USP25: variants seen among roughly 807,000 people sequenced by gnomAD.
USP25 encodes the protein ubiquitin carboxyl-terminal hydrolase 25.
Under a neutral mutation model 158.5 loss-of-function variants are expected in USP25, and 85 were observed. The ratio of observed to expected loss-of-function variants is 0.54; its 90% CI spans 0.45 to 0.64. The LOEUF (loss-of-function observed/expected upper bound fraction) is 0.64. Among genes scored for constraint, USP25 ranks in the 30% least tolerant of loss-of-function variants. The pLI is 0.00. For synonymous variants in USP25, 464 were observed against 460.4 expected, an observed-to-expected ratio of 1.01 and a Z score of -0.10; for missense variants, 1,242 against 1,327.3, an observed-to-expected ratio of 0.94 and a Z score of 1.00.
At chr21:15,797,915 C>T (rs1418029049) in intron 5 of USP25, among the ~76,000 whole-genome samples, 8 of 151,000 alleles carry the variant, frequency 5.3e-5, no homozygotes, top group East Asian at 3.9e-4. Flanking sequence ...TTTTATTATT[C>T]GTTATTGTTG....
intron 1 of USP25, among the ~76,000 whole-genome samples, chr21:15,755,428 A>G (rs1268998554): frequency 6.6e-6 from 1 of 152,212 alleles, no homozygotes; most frequent in Non-Finnish European, 1.5e-5. Context: ...CATCAACATA[A>G]TAGTGGATTT....
chr21:15,869,367 T>C (rs1449125877), intron 22 of USP25, among the ~76,000 whole-genome samples: 2 of 152,194 alleles, frequency 1.3e-5, no homozygotes, highest in African/African-American at 4.8e-5. Flanking sequence ...AGTATTCACT[T>C]TCCAATTTAT....
At chr21:15,771,752 T>A (rs554049649) in intron 3 of USP25, among the ~76,000 whole-genome samples, 1 of 152,040 alleles carries the variant, frequency 6.6e-6, no homozygotes, top group Non-Finnish European at 1.5e-5. Flanking sequence ...GATCTGTCAG[T>A]TTTTGTATGT....
intron 8 of USP25, among the ~76,000 whole-genome samples, chr21:15,809,784 T>C (rs943568167): frequency 3.7e-4 from 57 of 152,174 alleles, no homozygotes; most frequent in African/African-American, 1.3e-3. Context: ...ATAAACAAAA[T>C]GTGCTGTATA....
chr21:15,807,382 A>T (rs895257883), intron 7 of USP25, among the ~76,000 whole-genome samples: 3 of 152,254 alleles, frequency 2.0e-5, no homozygotes, highest in Non-Finnish European at 4.4e-5. Flanking sequence ...TGTTTAAGTG[A>T]ATTAAAGTTA....
Position 15,802,561 on chromosome 21 carries a change from A to C in USP25, c.643-2560A>C, listed in dbSNP as rs773800101. 5.1e-4 allele frequency among the ~76,000 whole-genome samples: 78 copies of C among 151,632 alleles called. 1 individual carries two copies. The highest frequency in any genetic ancestry group is 9.3e-4 in the Non-Finnish European group (63 of 67,644). On this transcript the variant is annotated intron_variant, in intron 6 of 25. Coordinates refer to ENST00000400183, the MANE Select transcript of USP25 (RefSeq NM_001283041.3). ...TCTAAATATCCCAAGGGACAAAAAA[A>C]CAAATCAAATGAGTAATGTCAGAAT... is the stretch of plus-strand genomic sequence containing the variant.
At chr21:15,851,497 C>T (rs1039309023) in intron 20 of USP25, among the ~76,000 whole-genome samples, 1 of 143,392 alleles carries the variant, frequency 7.0e-6, no homozygotes, top group Non-Finnish European at 1.5e-5. Flanking sequence ...CAGCTCCTAT[C>T]CCCCATACAC....
chr21:15,827,332 T>G (rs899545540), intron 14 of USP25, 129 bp downstream of exon 14: 70 of 862,666 alleles, frequency 8.1e-5, no homozygotes, highest in Non-Finnish European at 8.8e-5. Flanking sequence ...CCAGAAAGGG[T>G]TTTAAGATAA....
rs145219687 is a variant in USP25, at chr21:15,831,301, C to T, written c.1765-100C>T. On this transcript the variant is annotated intron_variant, in intron 15 of 25. Transcript: ENST00000400183. ...TCTCTCATTTAAAAAAAAAAATGCT[C>T]TTATGGTTTTCTCCAAACAGGTTGT... 5.0e-4 allele frequency: 551 copies of T among 1,107,248 alleles called. No homozygotes were observed. In the African/African-American group the frequency reaches 8.0e-3, roughly 16 times the overall value. The allele number at this position is 1,107,248 out of a possible 1,614,324, so 68.6% of individuals were successfully genotyped here.
intron 21 of USP25, among the ~76,000 whole-genome samples, chr21:15,865,996 A>G (rs1260724775): frequency 6.6e-6 from 1 of 152,084 alleles, no homozygotes; most frequent in East Asian, 1.9e-4. Context: ...TTTCCTATGC[A>G]AACTGTGTTA....
chr21:15,770,373 A>C (rs759421523), intron 3 of USP25, among the ~76,000 whole-genome samples: 1 of 152,180 alleles, frequency 6.6e-6, no homozygotes, highest in African/African-American at 2.4e-5. Flanking sequence ...ATTTTATTAG[A>C]TATGAACTGT....
In USP25 at chr21:15,799,775, G is replaced by A. The variant is rs1421547720; in HGVS notation, c.574G>A (p.Glu192Lys). 3.1e-6 allele frequency: 5 copies of A among 1,594,634 alleles called. No homozygotes were observed. Among genetic ancestry groups the A allele is most frequent in the Non-Finnish European group, 4.3e-6 (5 of 1,170,174 alleles). ...TTTTCAGTCATTATTTAATCTTTTG[G>A]AATTTAGAAGATTAGTTCTGAATTA... ...AVIQSLFNLL[E>K]FRRLVLNYKP... Residue 192 changes from glutamate (E) to lysine (K), a missense_variant, in exon 6 of 26, where the codon GAA becomes AAA. Coordinates refer to ENST00000400183, the MANE Select transcript of USP25 (RefSeq NM_001283041.3).
intron 14 of USP25, among the ~76,000 whole-genome samples, chr21:15,827,921 G>A (rs2037607474): frequency 6.6e-6 from 1 of 151,244 alleles, no homozygotes; most frequent in African/African-American, 2.4e-5. Context: ...CTTTGCTGCT[G>A]TTAAAGTGTA....
At chr21:15,744,673 C>G (rs1304840642) in intron 1 of USP25, among the ~76,000 whole-genome samples, 1 of 152,122 alleles carries the variant, frequency 6.6e-6, no homozygotes. Context: ...ACGGCAGCCC[C>G]CACCTCCCAG....
intron 1 of USP25, among the ~76,000 whole-genome samples, chr21:15,739,929 G>A (rs918183614): frequency 1.3e-5 from 2 of 152,262 alleles, no homozygotes; most frequent in East Asian, 3.9e-4. Flanking sequence ...TTTTATGTAT[G>A]TAGTAAGTAA....
In USP25 at chr21:15,806,109, A is replaced by T. The variant is rs564433273; in HGVS notation, c.780+851A>T. On this transcript the variant is annotated intron_variant, in intron 7 of 25. Transcript: ENST00000400183. ...TTCTTTTATATGTTGTTGCATTTTTAAAAAAAATTCTAACAATGCTCCAGT... is the reference window on the plus strand; with the variant it reads ...TTCTTTTATATGTTGTTGCATTTTTTAAAAAAATTCTAACAATGCTCCAGT... 1.2e-3 allele frequency among the ~76,000 whole-genome samples: 178 copies of T among 151,936 alleles called. 2 individuals carry two copies. Among genetic ancestry groups the T allele is most frequent in the African/African-American group, 3.6e-3 (150 of 41,506 alleles).
chr21:15,802,761 G>A (rs2036194554), intron 6 of USP25, among the ~76,000 whole-genome samples: 1 of 151,484 alleles, frequency 6.6e-6, no homozygotes, highest in African/African-American at 2.4e-5. Context: ...AGAGAATAAA[G>A]GGCACGTTAA....
chr21:15,820,339 G>A (rs1172426574), intron 10 of USP25, among the ~76,000 whole-genome samples: 1 of 151,932 alleles, frequency 6.6e-6, no homozygotes, highest in African/African-American at 2.4e-5. Context: ...ACACAGAATT[G>A]AAATTTTATT....
chr21:15,754,248 A>T (rs1336004221), intron 1 of USP25, among the ~76,000 whole-genome samples: 1 of 152,092 alleles, frequency 6.6e-6, no homozygotes, highest in African/African-American at 2.4e-5. Flanking sequence ...CATCTCCAAT[A>T]ATTAGTTAGT....
Sources: allele counts gnomAD v4.1 joint callset (sites outside exome capture counted in the v4.1 genomes callset), GRCh38; gene constraint gnomAD v4.1.1; transcripts MANE v1.5; gene names NCBI Gene and HGNC (gene_info 2026-07-23, HGNC 2026-07-21).